TICAM1: variants seen among roughly 807,000 people sequenced by gnomAD.
TICAM1 encodes TIR domain-containing adapter molecule 1.
For missense variants in TICAM1, 895 were observed against 938.2 expected, an observed-to-expected ratio of 0.95 and a Z score of 0.60; for synonymous variants, 439 against 415.4, an observed-to-expected ratio of 1.06 and a Z score of -0.69.
rs1361026193 is a variant in TICAM1, at chr19:4,816,545, GC to G, written c.1832del (p.Gly611AlafsTer81). The G allele has an allele frequency of 6.2e-7, 1 of 1,605,220 alleles. No homozygotes were observed. ...APYGARMPFG[G>X]QVPLGAPPPF... is the part of the protein sequence containing the mutation. ...GTGGCGGGGCTCCCAGGGGCACCTG[GC>G]CCCCAAAGGGCATTCGAGCCCCATA... On this transcript the variant is annotated frameshift_variant, in exon 2 of 2. Coordinates refer to ENST00000248244, the MANE Select transcript of TICAM1 (RefSeq NM_182919.4). LOFTEE classifies it low-confidence loss of function (END_TRUNC). The surrounding 1 kb of genome is among the most constrained non-coding windows in gnomAD (Gnocchi z 4.3).
In TICAM1 at chr19:4,830,733, C is replaced by T. The variant is rs1292954665; in HGVS notation, c.-140+881G>A. Among the ~76,000 whole-genome samples the T allele has an allele frequency of 2.0e-5, 3 of 152,326 alleles. No homozygotes were observed. In the East Asian group the frequency reaches 5.8e-4, roughly 29 times the overall value. ...AAGCCATGAGCCGGGGGCTGTGTGG[C>T]TCTGAGAGACTGGCTGGGAAGGGGC... is the stretch of plus-strand genomic sequence containing the variant. On this transcript the variant is annotated intron_variant, in intron 1 of 1. Transcript: ENST00000248244.
intron 1 of TICAM1, among the ~76,000 whole-genome samples, chr19:4,826,412 C>T (rs2093605501): frequency 6.6e-6 from 1 of 152,002 alleles, no homozygotes; most frequent in African/African-American, 2.4e-5. Context: ...GCAACCTCTG[C>T]CTCCCAGGTT....
chr19:4,821,029 G>T (rs7255580), intron 1 of TICAM1, among the ~76,000 whole-genome samples: 3 of 145,958 alleles, frequency 2.1e-5, no homozygotes, highest in African/African-American at 7.6e-5. Context: ...CCCGTCTCTA[G>T]TAAAAAAAAA....
At chr19:4,825,533 TTTAA>T (rs2093604236) in intron 1 of TICAM1, among the ~76,000 whole-genome samples, 1 of 152,022 alleles carries the variant, frequency 6.6e-6, no homozygotes, top group Admixed American at 6.6e-5. Flanking sequence ...TTATCTAATT[TTTAA>T]TTAATTAAGG....
chr19:4,818,116 C>T lies in TICAM1; in HGVS notation c.262G>A (p.Glu88Lys). 6.2e-7 allele frequency: 1 copy of T among 1,608,394 alleles called. No individual in the cohort carries two copies. The highest frequency in any genetic ancestry group is 8.5e-7 in the Non-Finnish European group (1 of 1,179,770). Residue 88 changes from glutamate (E) to lysine (K), a missense_variant, in exon 2 of 2, where the codon GAG (glutamate) becomes AAG (lysine). Coordinates refer to ENST00000248244, the MANE Select transcript of TICAM1 (RefSeq NM_182919.4). This position sits in a 1 kb window ranked among gnomAD's most constrained non-coding sequence, Gnocchi z 4.0. ...ACAGCCCAGGACACATCTGGGGGCT[C>T]CTCTGGGTCCTCGGTGCTGTCCACG... ...AGVDSTEDPE[E>K]PPDVSWAVAR...
At position 4,816,476 on chromosome 19, in the gene TICAM1, G is replaced by C. The variant is rs747059000; in HGVS notation, c.1902C>G (p.His634Gln). The C allele has an allele frequency of 5.1e-6, 8 of 1,568,262 alleles. No individual in the cohort carries two copies. The highest frequency in any genetic ancestry group is 2.4e-5 in the South Asian group (2 of 83,230). The part of the protein sequence containing the change: ...WPGCPQPPPL[H>Q]AWQAGTPPPP... The stretch of plus-strand genomic sequence containing the variant: ...GTGGGGGGGTGCCAGCCTGCCATGC[G>C]TGCAGGGGTGGCGGCTGCGGGCACC... Residue 634 changes from histidine (H) to glutamine (Q), a missense_variant, in exon 2 of 2, where the codon CAC (histidine) becomes CAG (glutamine). Physicochemically the swap from His to Gln is conservative, Grantham distance 24. Coordinates refer to ENST00000248244, the MANE Select transcript of TICAM1 (RefSeq NM_182919.4). This position sits in a 1 kb window ranked among gnomAD's most constrained non-coding sequence, Gnocchi z 4.3.
intron 1 of TICAM1, among the ~76,000 whole-genome samples, chr19:4,827,861 A>C (rs1599148166): frequency 6.7e-6 from 1 of 149,854 alleles, no homozygotes; most frequent in Admixed American, 6.7e-5. Context: ...CAATACCCCC[A>C]CCCCCCGTTA....
chr19:4,817,276 A>AAGGAGGAGG lies in TICAM1; in HGVS notation c.1093_1101dup (p.Pro365_Pro367dup), dbSNP rs11466722. 2.4e-5 allele frequency: 39 copies of AAGGAGGAGG among 1,603,266 alleles called. No individual in the cohort carries two copies. In the African/African-American group the frequency reaches 4.0e-4, roughly 17 times the overall value. ...AGGTGAGCTGAACAAGGAGTAGATG[A>AAGGAGGAGG]AGGAGGAGGAGGAGGAGGAGGAGGG... On this transcript the variant is annotated inframe_insertion, in exon 2 of 2. Coordinates refer to ENST00000248244, the MANE Select transcript of TICAM1 (RefSeq NM_182919.4). This position sits in a 1 kb window ranked among gnomAD's most constrained non-coding sequence, Gnocchi z 4.7.
chr19:4,819,044 G>A (rs1427829447), intron 1 of TICAM1, among the ~76,000 whole-genome samples: 5 of 152,162 alleles, frequency 3.3e-5, no homozygotes, highest in Non-Finnish European at 5.9e-5. Context: ...ACAGGAGGTG[G>A]TGGCTGCAGT....
rs754043860 is a variant in TICAM1, at chr19:4,816,761, C to A, written c.1617G>T (p.Met539Ile). Residue 539 changes from methionine to isoleucine, a missense_variant, in exon 2 of 2, where the codon ATG becomes ATT. Transcript: ENST00000248244. This position sits in a 1 kb window ranked among gnomAD's most constrained non-coding sequence, Gnocchi z 4.3. ...KPHRLQARKAMWRKEQDTRAL... is the reference protein window; with the variant it reads ...KPHRLQARKAIWRKEQDTRAL... ...CTCGGGTGTCCTGTTCCTTCCTCCA[C>A]ATGGCCTTTCGGGCCTGAAGCCTGT... 2 of 1,613,574 alleles carry A rather than the reference C, an allele frequency of 1.2e-6. No homozygotes were observed. Among genetic ancestry groups the A allele is most frequent in the African/African-American group, 1.3e-5 (1 of 74,928 alleles).
chr19:4,816,566 C>T lies in TICAM1; in HGVS notation c.1812G>A (p.Gly604=). ...CCTGGCCCCCAAAGGGCATTCGAGCCCCATAGGGCGCCCCAGTCCCAAATG... is the reference window on the plus strand; with the variant it reads ...CCTGGCCCCCAAAGGGCATTCGAGCTCCATAGGGCGCCCCAGTCCCAAATG... The part of the protein sequence containing the change: ...HMSFGTGAPY[G]ARMPFGGQVP... The change falls in exon 2 of 2, where the codon GGG becomes GGA. Residue 604 remains glycine, a synonymous_variant. Coordinates refer to ENST00000248244, the MANE Select transcript of TICAM1 (RefSeq NM_182919.4). This position sits in a 1 kb window ranked among gnomAD's most constrained non-coding sequence, Gnocchi z 4.3. 1 of 1,612,394 alleles carries T rather than the reference C, an allele frequency of 6.2e-7. No homozygotes were observed. Among genetic ancestry groups the T allele is most frequent in the Non-Finnish European group, 8.5e-7 (1 of 1,179,746 alleles).
In TICAM1 at chr19:4,818,315, G is replaced by C. The variant is rs1227222730; in HGVS notation, c.63C>G (p.Asp21Glu). Residue 21 changes from aspartate (D) to glutamate (E), a missense_variant, in exon 2 of 2, where the codon GAC becomes GAG. By Grantham distance (45) the Asp-to-Glu change is conservative. Coordinates refer to ENST00000248244, the MANE Select transcript of TICAM1 (RefSeq NM_182919.4). This position sits in a 1 kb window ranked among gnomAD's most constrained non-coding sequence, Gnocchi z 4.0. Reference sequence around the variant, plus strand: ...GTTTGTGCTTCAGATACAAGAGCTTGTCCTGGCCTGCTGCACCTAGAATGT... The same window carrying C: ...GTTTGTGCTTCAGATACAAGAGCTTCTCCTGGCCTGCTGCACCTAGAATGT... The part of the protein sequence containing the change: ...AFDILGAAGQ[D>E]KLLYLKHKLK... The C allele has an allele frequency of 6.2e-7, 1 of 1,612,578 alleles. No individual in the cohort carries two copies. The highest frequency in any genetic ancestry group is 1.7e-5 in the Admixed American group (1 of 59,972).
intron 1 of TICAM1, among the ~76,000 whole-genome samples, chr19:4,829,633 GA>G (rs2093611053): frequency 6.6e-6 from 1 of 152,080 alleles, no homozygotes; most frequent in Non-Finnish European, 1.5e-5. Context: ...TACTTAGGAT[GA>G]ATGGGAGTCT....
chr19:4,818,323 C>G lies in TICAM1; in HGVS notation c.55G>C (p.Gly19Arg). Reference protein sequence around the residue: ...PSAFDILGAAGQDKLLYLKHK... With the variant: ...PSAFDILGAARQDKLLYLKHK... ...TTCAGATACAAGAGCTTGTCCTGGC[C>G]TGCTGCACCTAGAATGTCGAAGGCG... is the stretch of plus-strand genomic sequence containing the variant. Residue 19 changes from glycine to arginine, a missense_variant, in exon 2 of 2, where the codon GGC becomes CGC. By Grantham distance (125) the Gly-to-Arg change is moderately radical. Transcript: ENST00000248244. The surrounding 1 kb of genome is among the most constrained non-coding windows in gnomAD (Gnocchi z 4.0). 1 of 1,612,346 alleles carries G rather than the reference C, an allele frequency of 6.2e-7. No individual in the cohort carries two copies. Among genetic ancestry groups the G allele is most frequent in the South Asian group, 1.1e-5 (1 of 91,040 alleles).
chr19:4,830,931 G>A (rs1194329646), intron 1 of TICAM1, among the ~76,000 whole-genome samples: 1 of 152,212 alleles, frequency 6.6e-6, no homozygotes, highest in Non-Finnish European at 1.5e-5. Flanking sequence ...TGAGCTGGAG[G>A]AACAGTAAGG....
chr19:4,823,261 A>G (rs1020103656), intron 1 of TICAM1, among the ~76,000 whole-genome samples: 1 of 151,890 alleles, frequency 6.6e-6, no homozygotes, highest in African/African-American at 2.4e-5. Context: ...GGTCAGGAGT[A>G]CGAGACCAGC....
intron 1 of TICAM1, among the ~76,000 whole-genome samples, chr19:4,827,393 A>G (rs553605236): frequency 0.011 from 1,551 of 144,858 alleles, 35 homozygotes; most frequent in African/African-American, 0.04. Flanking sequence ...AAAAAAAAAA[A>G]AAAAAAAAAA....
At chr19:4,831,466 C>T (rs894457490) in intron 1 of TICAM1, 148 bp downstream of exon 1, 2 of 152,034 alleles carry the variant, frequency 1.3e-5, no homozygotes, top group Non-Finnish European at 2.9e-5. Flanking sequence ...TCCCAACGCG[C>T]GGCGCCAGGC....
chr19:4,824,072 G>A (rs1004181397), intron 1 of TICAM1, among the ~76,000 whole-genome samples: 6 of 151,754 alleles, frequency 4.0e-5, no homozygotes, highest in Admixed American at 2.0e-4. Context: ...GCAGTGGTGC[G>A]ATCTTAGCTC....
Sources: gnomAD v4.1 joint callset for allele counts (sites outside exome capture counted in the v4.1 genomes callset) on GRCh38, gnomAD v4.1.1 for gene constraint, Gnocchi (gnomAD v3.1) non-coding constraint, MANE v1.5 for transcripts, NCBI Gene and HGNC (gene_info 2026-07-23, HGNC 2026-07-21) for gene names.